Variants in RELN observed in about 807,000 individuals in gnomAD.
RELN encodes reelin.
RELN carries 108 observed loss-of-function variants against 427.6 expected under a neutral mutation model. That is an observed-to-expected ratio of 0.25 (90% CI 0.22 to 0.30). The LOEUF is 0.30. Among genes scored for constraint, RELN ranks in the 10% least tolerant of loss-of-function variants. RELN has a pLI of 1.00. For missense variants in RELN, 3,715 were observed against 4,302.8 expected, an observed-to-expected ratio of 0.86 and a Z score of 3.82; for synonymous variants, 1,524 against 1,513.4, an observed-to-expected ratio of 1.01 and a Z score of -0.16.
intron 10 of RELN, among the ~76,000 whole-genome samples, chr7:103,696,095 A>G (rs1300931691): frequency 1.3e-5 from 2 of 152,122 alleles, no homozygotes; most frequent in Admixed American, 1.3e-4. Flanking sequence ...CTCTATTATT[A>G]AAAGGAGGTG....
chr7:103,662,396 C>T (rs149533452), intron 11 of RELN, among the ~76,000 whole-genome samples: 12 of 152,018 alleles, frequency 7.9e-5, no homozygotes, highest in South Asian at 4.2e-4. Flanking sequence ...CCGGGGTGGG[C>T]GGATCACGAG....
At chr7:103,896,821 A>G (rs1289297860) in intron 2 of RELN, among the ~76,000 whole-genome samples, 1 of 152,118 alleles carries the variant, frequency 6.6e-6, no homozygotes, top group Non-Finnish European at 1.5e-5. Context: ...AAAATGTTGA[A>G]CAGTAGACTG....
chr7:103,507,125 G>T (rs59070939), intron 51 of RELN, among the ~76,000 whole-genome samples: 5 of 127,912 alleles, frequency 3.9e-5, no homozygotes, highest in Admixed American at 2.1e-4. Context: ...AGATCAACGA[G>T]ACAGAAAATT....
intron 10 of RELN, among the ~76,000 whole-genome samples, chr7:103,697,609 T>G (rs1834002880): frequency 6.6e-6 from 1 of 152,136 alleles, no homozygotes; most frequent in African/African-American, 2.4e-5. Flanking sequence ...ATTCTCTGGG[T>G]TCAGCCCAGT....
intron 27 of RELN, among the ~76,000 whole-genome samples, chr7:103,591,918 C>G (rs777321507): frequency 1.3e-5 from 2 of 152,094 alleles, no homozygotes; most frequent in African/African-American, 4.8e-5. Context: ...ATGTTTAAGT[C>G]TCTCCTATCT....
chr7:103,628,594 A>G (rs916190682), intron 20 of RELN, among the ~76,000 whole-genome samples: 18 of 152,174 alleles, frequency 1.2e-4, no homozygotes, highest in African/African-American at 3.6e-4. Flanking sequence ...AAGTCCCATC[A>G]AAGGTAATTT....
chr7:103,694,513 G>A (rs910385906), intron 10 of RELN, among the ~76,000 whole-genome samples: 6 of 151,952 alleles, frequency 3.9e-5, no homozygotes, highest in Admixed American at 1.3e-4. Flanking sequence ...TGGCGACGAC[G>A]ATGATGATGT....
chr7:103,710,945 G>C (rs959125571), intron 8 of RELN, among the ~76,000 whole-genome samples: 2 of 152,210 alleles, frequency 1.3e-5, no homozygotes, highest in African/African-American at 4.8e-5. Flanking sequence ...TCAGGAGGCT[G>C]AGGCAGGAGA....
intron 6 of RELN, among the ~76,000 whole-genome samples, chr7:103,731,408 T>C (rs973621341): frequency 2.6e-5 from 4 of 152,120 alleles, no homozygotes; most frequent in Non-Finnish European, 4.4e-5. Flanking sequence ...AAAGGCTTCA[T>C]GTGCTGTTTA....
intron 46 of RELN, among the ~76,000 whole-genome samples, chr7:103,533,168 T>C (rs1023528151): frequency 4.6e-5 from 7 of 152,214 alleles, no homozygotes; most frequent in Admixed American, 2.6e-4. Context: ...TATGGTCATG[T>C]GTTGAGTAGA....
intron 11 of RELN, among the ~76,000 whole-genome samples, chr7:103,670,624 GGGAA>G (rs1833370880): frequency 6.6e-6 from 1 of 151,872 alleles, no homozygotes; most frequent in African/African-American, 2.4e-5. Context: ...TAGCATGGGG[GGGAA>G]ATTTTAGACT....
intron 6 of RELN, among the ~76,000 whole-genome samples, 157 bp from the exon 7 acceptor site, chr7:103,728,364 C>T (rs763510847): frequency 6.6e-6 from 1 of 152,088 alleles, no homozygotes; most frequent in Non-Finnish European, 1.5e-5. Context: ...GTTAAGAAGA[C>T]CTGAAACCAG....
intron 3 of RELN, among the ~76,000 whole-genome samples, chr7:103,812,167 T>G (rs1198992095): frequency 6.6e-6 from 1 of 152,106 alleles, no homozygotes; most frequent in East Asian, 1.9e-4. Context: ...ACTAACCTGC[T>G]AGGTGACTTT....
At chr7:103,750,143 C>T (rs473940) in intron 5 of RELN, among the ~76,000 whole-genome samples, 75,496 of 151,956 alleles carry the variant, frequency 0.5, 18,973 homozygotes, top group Non-Finnish European at 0.55. Context: ...CCATGACTGG[C>T]TAATTTTTAT....
At chr7:103,639,872 C>T (rs1362325718) in intron 17 of RELN, among the ~76,000 whole-genome samples, 2 of 151,978 alleles carry the variant, frequency 1.3e-5, no homozygotes, top group Non-Finnish European at 2.9e-5. Flanking sequence ...TGGGAATTCC[C>T]AGAATATTTT....
intron 2 of RELN, among the ~76,000 whole-genome samples, chr7:103,888,767 C>A (rs1794780031): frequency 6.6e-6 from 1 of 152,170 alleles, no homozygotes; most frequent in Admixed American, 6.5e-5. Context: ...GAAGACTTGG[C>A]AAGCACAACA....
intron 3 of RELN, among the ~76,000 whole-genome samples, chr7:103,778,641 C>T (rs773509451): frequency 6.6e-6 from 1 of 152,184 alleles, no homozygotes; most frequent in Non-Finnish European, 1.5e-5. Flanking sequence ...TGTGAGGAGT[C>T]CACACTGTTT....
chr7:103,720,173 T>TTGTGTGTGTG lies in RELN; in HGVS notation c.805+2957_805+2966dup, dbSNP rs72036005. Among the ~76,000 whole-genome samples, 55 of 145,668 alleles carry TTGTGTGTGTG rather than the reference T, an allele frequency of 3.8e-4. No individual in the cohort carries two copies. In the East Asian group the frequency reaches 0.01, roughly 27 times the overall value. On this transcript the variant is annotated intron_variant, in intron 8 of 64. Transcript: ENST00000428762. ...AATATATGTATATATTGTATAAACA[T>TTGTGTGTGTG]TGTGTGTGTGTGTGTGTGTGTGTGT...
At chr7:103,966,649 G>C (rs1056605863) in intron 1 of RELN, among the ~76,000 whole-genome samples, 2 of 152,154 alleles carry the variant, frequency 1.3e-5, no homozygotes, top group Non-Finnish European at 2.9e-5. Context: ...GTTCAGATTA[G>C]ACATAAATGT....
Sources: gnomAD v4.1 joint callset for allele counts (sites outside exome capture counted in the v4.1 genomes callset) on GRCh38, gnomAD v4.1.1 for gene constraint, MANE v1.5 for transcripts, NCBI Gene and HGNC (gene_info 2026-07-23, HGNC 2026-07-21) for gene names.